Variants in PAK5 observed in about 807,000 individuals in gnomAD.
PAK5 encodes the protein p21 (RAC1) activated kinase 5.
Under a neutral mutation model 65.9 loss-of-function variants are expected in PAK5, and 16 were observed. That is an observed-to-expected ratio of 0.24 (90% CI 0.16 to 0.37). The LOEUF (loss-of-function observed/expected upper bound fraction) is 0.37. PAK5 is among the 10% of genes least tolerant of loss of function. The pLI is 1.00. For synonymous variants in PAK5, 371 were observed against 354.9 expected, an observed-to-expected ratio of 1.05 and a Z score of -0.51; for missense variants, 785 against 903.9, an observed-to-expected ratio of 0.87 and a Z score of 1.69.
intron 2 of PAK5, among the ~76,000 whole-genome samples, chr20:9,675,070 A>C (rs2254000): frequency 6.6e-6 from 1 of 152,018 alleles, no homozygotes; most frequent in Non-Finnish European, 1.5e-5. Flanking sequence ...CTGGCTCCTG[A>C]GGAAAACAGT....
intron 2 of PAK5, among the ~76,000 whole-genome samples, chr20:9,695,006 C>T (rs2047849344): frequency 6.6e-6 from 1 of 152,038 alleles, no homozygotes; most frequent in Non-Finnish European, 1.5e-5. Flanking sequence ...ATTTACACTC[C>T]TGCCAATAGC....
chr20:9,687,886 G>GGTGTGTGTGTGTGT lies in PAK5; in HGVS notation c.-12+23386_-12+23399dup, dbSNP rs111641971. 2.4e-4 allele frequency among the ~76,000 whole-genome samples: 35 copies of GGTGTGTGTGTGTGT among 148,626 alleles called. 1 individual carries two copies. Among genetic ancestry groups the GGTGTGTGTGTGTGT allele is most frequent in the African/African-American group, 7.9e-4 (32 of 40,362 alleles). On this transcript the variant is annotated intron_variant, in intron 2 of 9. Coordinates refer to ENST00000353224, the MANE Select transcript of PAK5 (RefSeq NM_177990.4). ...AGATGAAGAGAAGTCAAGAGAGGGA[G>GGTGTGTGTGTGTGT]GTGTGTGTGTGTGTGTGTGTGTGTG...
intron 1 of PAK5, among the ~76,000 whole-genome samples, chr20:9,737,909 G>A (rs1315777639): frequency 2.0e-5 from 3 of 152,124 alleles, no homozygotes; most frequent in Non-Finnish European, 2.9e-5. Flanking sequence ...TTGGGAGGCC[G>A]AGGTGGGCAG....
At chr20:9,767,816 T>C (rs1260012715) in intron 1 of PAK5, among the ~76,000 whole-genome samples, 1 of 152,152 alleles carries the variant, frequency 6.6e-6, no homozygotes, top group Non-Finnish European at 1.5e-5. Context: ...AGTTTTGTTC[T>C]AAACACTTCC....
chr20:9,656,283 C>A (rs117992877), intron 2 of PAK5, among the ~76,000 whole-genome samples: 1 of 152,088 alleles, frequency 6.6e-6, no homozygotes, highest in Non-Finnish European at 1.5e-5. Flanking sequence ...GTCACTGAGA[C>A]AAAATATTTC....
At chr20:9,582,243 A>T (rs1238487204) in intron 3 of PAK5, among the ~76,000 whole-genome samples, 3 of 152,186 alleles carry the variant, frequency 2.0e-5, no homozygotes, top group African/African-American at 7.2e-5. Context: ...CTAGAGTCCC[A>T]TCCAGGATAG....
In PAK5 at chr20:9,717,084, C is replaced by CAAAAAAAAAAAA. The variant is rs58508007; in HGVS notation, c.-161-5661_-161-5650dup. On this transcript the variant is annotated intron_variant, in intron 1 of 9. Coordinates refer to ENST00000353224, the MANE Select transcript of PAK5 (RefSeq NM_177990.4). ...TGGGTGACGGAGCCAGAACTTATCT[C>CAAAAAAAAAAAA]AAAAAAAAAAAAAAGAAAGAAATCT... is the stretch of plus-strand genomic sequence containing the variant. 8.2e-4 allele frequency among the ~76,000 whole-genome samples: 101 copies of CAAAAAAAAAAAA among 122,474 alleles called. 1 individual carries two copies. Among genetic ancestry groups the CAAAAAAAAAAAA allele is most frequent in the African/African-American group, 2.6e-3 (87 of 33,306 alleles). 80.3% of individuals were successfully genotyped at this position (122,474 alleles called of 152,430 possible).
At chr20:9,596,239 C>T (rs962571124) in intron 3 of PAK5, among the ~76,000 whole-genome samples, 3 of 152,152 alleles carry the variant, frequency 2.0e-5, no homozygotes, top group Admixed American at 2.0e-4. Flanking sequence ...GCAGGTCAAT[C>T]AACTAGGGTC....
intron 2 of PAK5, among the ~76,000 whole-genome samples, chr20:9,692,975 T>A (rs1366075148): frequency 6.6e-6 from 1 of 152,112 alleles, no homozygotes; most frequent in African/African-American, 2.4e-5. Context: ...TTAAATAAAA[T>A]AAAGTATATA....
chr20:9,579,709 T>G (rs1209488096), intron 4 of PAK5, among the ~76,000 whole-genome samples: 1 of 152,212 alleles, frequency 6.6e-6, no homozygotes, highest in Admixed American at 6.5e-5. Flanking sequence ...CATGTTATAC[T>G]GAGTTTCTTT....
intron 3 of PAK5, among the ~76,000 whole-genome samples, chr20:9,617,700 C>T (rs1168352110): frequency 6.6e-6 from 1 of 151,728 alleles, no homozygotes; most frequent in African/African-American, 2.4e-5. Context: ...GGACTACAGG[C>T]GCCCACCACC....
chr20:9,768,324 C>T (rs142164852), intron 1 of PAK5, among the ~76,000 whole-genome samples: 392 of 151,918 alleles, frequency 2.6e-3, no homozygotes, highest in Non-Finnish European at 4.4e-3. Flanking sequence ...AACATAGGAA[C>T]GATAGACACT....
intron 3 of PAK5, among the ~76,000 whole-genome samples, chr20:9,632,267 G>A (rs1795589580): frequency 6.6e-6 from 1 of 152,098 alleles, no homozygotes; most frequent in Non-Finnish European, 1.5e-5. Context: ...CCACTCTATG[G>A]GAAACCAACA....
Position 9,660,309 on chromosome 20 carries a change from T to C in PAK5, c.-11-15970A>G, listed in dbSNP as rs574304219. Among the ~76,000 whole-genome samples, 27 of 115,158 alleles carry C rather than the reference T, an allele frequency of 2.3e-4. No homozygotes were observed. In the South Asian group the frequency reaches 7.2e-3, roughly 31 times the overall value. The allele number at this position is 115,158 out of a possible 152,430, so 75.5% of individuals were successfully genotyped here. ...GTGATTTGCATTCCAAGCAAAAATC[T>C]GTGGTAGATTAAGATTATTTTAATT... On this transcript the variant is annotated intron_variant, in intron 2 of 9. Transcript: ENST00000353224.
At chr20:9,608,594 GA>G (rs1340465845) in intron 3 of PAK5, among the ~76,000 whole-genome samples, 17 of 152,186 alleles carry the variant, frequency 1.1e-4, no homozygotes, top group Admixed American at 1.1e-3. Context: ...AAAATCAGAG[GA>G]AAAATATTTT....
In PAK5 at chr20:9,611,612, G is replaced by A. The variant is rs183667083; in HGVS notation, c.205-30682C>T. Among the ~76,000 whole-genome samples the A allele has an allele frequency of 2.8e-4, 43 of 152,260 alleles. 1 individual carries two copies. In the East Asian group the frequency reaches 5.2e-3, roughly 18 times the overall value. On this transcript the variant is annotated intron_variant, in intron 3 of 9. Transcript: ENST00000353224. ...GAGTTACTCACCACGGAGTTCTCCC[G>A]TGTATATGCAAGCTGCACGTGCTAA...
rs139412221 is a variant in PAK5, at chr20:9,651,256, T to C, written c.-11-6917A>G. ...TCAGTGGGTTGTTGTGAACATTCAG[T>C]GAACTAAGACATGAAAAGTGGCTTA... On this transcript the variant is annotated intron_variant, in intron 2 of 9. Coordinates refer to ENST00000353224, the MANE Select transcript of PAK5 (RefSeq NM_177990.4). Among the ~76,000 whole-genome samples, 307 of 152,302 alleles carry C rather than the reference T, an allele frequency of 2.0e-3. 1 individual carries two copies. The highest frequency in any genetic ancestry group is 7.2e-3 in the African/African-American group (300 of 41,568).
chr20:9,641,695 G>A, intron 3 of PAK5, among the ~76,000 whole-genome samples: 1 of 152,076 alleles, frequency 6.6e-6, no homozygotes, highest in East Asian at 1.9e-4. Context: ...TGGGTGGGAG[G>A]CTCAGGCATG....
At chr20:9,770,537 T>C (rs2048821365) in intron 1 of PAK5, among the ~76,000 whole-genome samples, 5 of 152,124 alleles carry the variant, frequency 3.3e-5, no homozygotes, top group Admixed American at 3.3e-4. Flanking sequence ...ACTCCATCTG[T>C]GTTTAGCTGG....
Sources: gnomAD v4.1 joint callset for allele counts (sites outside exome capture counted in the v4.1 genomes callset) on GRCh38, gnomAD v4.1.1 for gene constraint, MANE v1.5 for transcripts, NCBI Gene and HGNC (gene_info 2026-07-23, HGNC 2026-07-21) for gene names.